PITPNC1: variants seen among roughly 807,000 people sequenced by gnomAD.
PITPNC1 encodes the protein cytoplasmic phosphatidylinositol transfer protein 1.
In PITPNC1, 18 loss-of-function variants were observed where a neutral mutation model predicts 44.7. The observed-to-expected ratio is 0.40, with a 90% CI of 0.28 to 0.60. PITPNC1 has a LOEUF of 0.60. PITPNC1 is among the 20% of genes least tolerant of loss of function. PITPNC1 has a pLI of 0.39. For missense variants in PITPNC1, 290 were observed against 418.4 expected (o/e 0.69, Z 2.68); for synonymous variants, 141 against 149.6 (o/e 0.94, Z 0.42).
intron 4 of PITPNC1, among the ~76,000 whole-genome samples, chr17:67,572,940 G>A (rs1039944528): frequency 2.0e-5 from 3 of 152,102 alleles, no homozygotes; most frequent in African/African-American, 4.8e-5. Context: ...ACCCACTCCC[G>A]GTGCCACCAA....
At chr17:67,578,777 T>A (rs899488513) in intron 5 of PITPNC1, among the ~76,000 whole-genome samples, 2 of 150,920 alleles carry the variant, frequency 1.3e-5, no homozygotes, top group South Asian at 2.1e-4. Context: ...AGATCAGGAG[T>A]TCAAGACCAG....
intron 4 of PITPNC1, among the ~76,000 whole-genome samples, chr17:67,565,175 A>T (rs2040958611): frequency 6.6e-6 from 1 of 151,048 alleles, no homozygotes; most frequent in Admixed American, 6.6e-5. Context: ...TCCAGTGTGT[A>T]TACTAGTTTT....
At chr17:67,531,935 G>C (rs1662096795) in intron 1 of PITPNC1, among the ~76,000 whole-genome samples, 2 of 152,044 alleles carry the variant, frequency 1.3e-5, no homozygotes, top group South Asian at 4.1e-4. Context: ...AATTCGTTTT[G>C]CCACTTCGAA....
At chr17:67,513,489 G>GTATATATATATATA (rs571272051) in intron 1 of PITPNC1, among the ~76,000 whole-genome samples, 8 of 138,666 alleles carry the variant, frequency 5.8e-5, no homozygotes, top group South Asian at 2.3e-4. Flanking sequence ...GTGTGTGTGT[G>GTATATATATATATA]TATATATATA....
chr17:67,618,847 T>C (rs1162682188), intron 5 of PITPNC1, among the ~76,000 whole-genome samples: 2 of 151,968 alleles, frequency 1.3e-5, no homozygotes, highest in East Asian at 3.9e-4. Flanking sequence ...ATCACGAGGT[T>C]AGGAGATCGA....
intron 1 of PITPNC1, among the ~76,000 whole-genome samples, chr17:67,504,409 A>T (rs958376723): frequency 6.6e-6 from 1 of 152,254 alleles, no homozygotes; most frequent in East Asian, 1.9e-4. Context: ...CTGAAAAGGC[A>T]TGGAGGTAGC....
intron 1 of PITPNC1, among the ~76,000 whole-genome samples, chr17:67,465,909 G>T (rs72845142): frequency 3.1e-3 from 472 of 152,078 alleles, no homozygotes; most frequent in Middle Eastern, 0.017. Context: ...TAGGGCGGGG[G>T]TAAATCTAAA....
chr17:67,464,508 T>G (rs2039394974), intron 1 of PITPNC1, among the ~76,000 whole-genome samples: 2 of 152,256 alleles, frequency 1.3e-5, no homozygotes, highest in South Asian at 4.1e-4. Flanking sequence ...GCTGGCGAAC[T>G]CTAAGAGGAA....
intron 2 of PITPNC1, among the ~76,000 whole-genome samples, chr17:67,547,112 A>T (rs2040695303): frequency 6.6e-6 from 1 of 152,230 alleles, no homozygotes; most frequent in African/African-American, 2.4e-5. Flanking sequence ...AGTTCTATTT[A>T]AAATGAGCTG....
intron 1 of PITPNC1, among the ~76,000 whole-genome samples, chr17:67,517,298 G>A (rs1189809060): frequency 6.6e-6 from 1 of 152,034 alleles, no homozygotes; most frequent in Non-Finnish European, 1.5e-5. Context: ...CTTTCTTGTT[G>A]CTGTACATAA....
intron 1 of PITPNC1, among the ~76,000 whole-genome samples, chr17:67,443,277 C>T (rs560005604): frequency 6.6e-6 from 1 of 152,010 alleles, no homozygotes; most frequent in Non-Finnish European, 1.5e-5. Context: ...GTCTCCAAGC[C>T]CCTTCACCTA....
intron 6 of PITPNC1, among the ~76,000 whole-genome samples, chr17:67,661,240 C>T (rs1598948883): frequency 6.6e-6 from 1 of 151,970 alleles, no homozygotes; most frequent in South Asian, 2.1e-4. Context: ...GGAAACACAA[C>T]CTGGCAAAAT....
At chr17:67,440,736 G>A (rs1049861530) in intron 1 of PITPNC1, among the ~76,000 whole-genome samples, 3 of 151,236 alleles carry the variant, frequency 2.0e-5, no homozygotes, top group South Asian at 2.1e-4. Context: ...TATAGGGATA[G>A]GGGTCTTGCC....
In PITPNC1 at chr17:67,676,049, T is replaced by G. The variant is rs1451333488; in HGVS notation, c.682+507T>G. Among the ~76,000 whole-genome samples the G allele has an allele frequency of 6.6e-6, 1 of 151,792 alleles. No homozygotes were observed. Among genetic ancestry groups the G allele is most frequent in the Non-Finnish European group, 1.5e-5 (1 of 67,936 alleles). ...GTGAAACCCCGTCTCTACTAAATAA[T>G]ACAAAAAATTAGCCGGGCATGGTGG... is the stretch of plus-strand genomic sequence containing the variant. On this transcript the variant is annotated intron_variant, in intron 8 of 8. Transcript: ENST00000581322. The surrounding 1 kb of genome is among the most constrained non-coding windows in gnomAD (Gnocchi z 4.0).
chr17:67,386,628 G>A (rs114613432), intron 1 of PITPNC1, among the ~76,000 whole-genome samples: 296 of 152,342 alleles, frequency 1.9e-3, no homozygotes, highest in African/African-American at 6.6e-3. Context: ...TATGCACAAA[G>A]GCAGTAAATG....
chr17:67,468,645 C>T (rs1327925591), intron 1 of PITPNC1, among the ~76,000 whole-genome samples: 8 of 151,060 alleles, frequency 5.3e-5, no homozygotes, highest in East Asian at 1.9e-4. Context: ...CCTCGTGATC[C>T]GCCCACCTCA....
intron 1 of PITPNC1, among the ~76,000 whole-genome samples, chr17:67,486,072 T>G (rs531532487): frequency 6.6e-6 from 1 of 152,306 alleles, no homozygotes; most frequent in Admixed American, 6.5e-5. Flanking sequence ...AACTGAAACT[T>G]TAGCATGAGA....
chr17:67,491,272 C>G (rs2144045479), intron 1 of PITPNC1, among the ~76,000 whole-genome samples: 1 of 152,318 alleles, frequency 6.6e-6, no homozygotes, highest in East Asian at 1.9e-4. Context: ...TCCCAGGAAC[C>G]CGCAGGACAC....
intron 1 of PITPNC1, among the ~76,000 whole-genome samples, chr17:67,416,135 T>A (rs1400447651): frequency 6.6e-6 from 1 of 151,538 alleles, no homozygotes; most frequent in African/African-American, 2.4e-5. Context: ...CACTTAATTT[T>A]GGACATAAGA....
Sources: allele counts gnomAD v4.1 joint callset (sites outside exome capture counted in the v4.1 genomes callset), GRCh38; gene constraint gnomAD v4.1.1; non-coding constraint Gnocchi (gnomAD v3.1); transcripts MANE v1.5; gene names NCBI Gene and HGNC (gene_info 2026-07-23, HGNC 2026-07-21).